Variants in NWD1 observed in about 807,000 individuals in gnomAD.
The protein encoded by NWD1 is NACHT and WD repeat domain containing 1.
Under a neutral mutation model 135.1 loss-of-function variants are expected in NWD1, and 129 were observed. The observed-to-expected ratio is 0.96, with a 90% confidence interval of 0.83 to 1.11. NWD1 has a LOEUF of 1.11. NWD1 is among the 50% of genes least tolerant of loss of function. The probability of loss-of-function intolerance (pLI) is 0.00; values close to 1 mark genes in which losing one functional copy is unlikely to be tolerated. For missense variants in NWD1, 1,740 were observed against 1,851.3 expected (o/e 0.94, Z 1.10); for synonymous variants, 773 against 786.0 (o/e 0.98, Z 0.28).
intron 6 of NWD1, among the ~76,000 whole-genome samples, chr19:16,752,333 A>G (rs1332731256): frequency 6.6e-6 from 1 of 152,140 alleles, no homozygotes; most frequent in Admixed American, 6.6e-5. Flanking sequence ...CTTTGCCAGA[A>G]ATAGAAACAC....
chr19:16,749,046 TC>T, intron 5 of NWD1, 92 bp from the exon 6 acceptor site: 1 of 941,836 alleles, frequency 1.1e-6, no homozygotes, highest in Admixed American at 2.5e-5. Context: ...CCAATGCACA[TC>T]CCCCAACAAC....
At chr19:16,728,377 CA>C (rs1353293516) in intron 2 of NWD1, among the ~76,000 whole-genome samples, 1 of 150,632 alleles carries the variant, frequency 6.6e-6, no homozygotes, top group East Asian at 2.0e-4. Flanking sequence ...CTCTGTCTCC[CA>C]GGTTCAAGGG....
intron 12 of NWD1, among the ~76,000 whole-genome samples, chr19:16,784,796 GCA>G (rs1969982056): frequency 1.3e-5 from 2 of 151,926 alleles, no homozygotes; most frequent in South Asian, 4.2e-4. Context: ...AGGTGTGATG[GCA>G]CACACCTGTA....
chr19:16,755,363 G>A (rs922199176), intron 6 of NWD1, among the ~76,000 whole-genome samples: 6 of 151,966 alleles, frequency 3.9e-5, no homozygotes, highest in Non-Finnish European at 5.9e-5. Context: ...GACTACAGGT[G>A]CATGCCACCA....
intron 2 of NWD1, among the ~76,000 whole-genome samples, chr19:16,730,335 C>CA (rs1568333193): frequency 2.0e-5 from 3 of 150,148 alleles, no homozygotes; most frequent in South Asian, 4.2e-4. Flanking sequence ...AACAAACTAA[C>CA]AAAAAAACAA....
At chr19:16,774,920 AT>A (rs1969546557) in intron 11 of NWD1, among the ~76,000 whole-genome samples, 1 of 151,942 alleles carries the variant, frequency 6.6e-6, no homozygotes, top group African/African-American at 2.4e-5. Flanking sequence ...CGAGAAACTG[AT>A]TCCTCCATCT....
Position 16,762,130 on chromosome 19 carries a change from G to C in NWD1, c.2125G>C (p.Asp709His). Residue 709 changes from aspartate (D) to histidine (H), a missense_variant, in exon 8 of 19, where the codon GAC becomes CAC. Asp to His is a moderately conservative substitution (Grantham distance 81). Transcript: ENST00000524140. The part of the protein sequence containing the change: ...LPLVGKPLNL[D>H]RKVAPQPLWF... ...ACTTGTGGGGAAACCACTGAACTTG[G>C]ACCGAAAGGTGAGGTACCTGGGACC... 6.2e-7 allele frequency: 1 copy of C among 1,612,592 alleles called. No homozygotes were observed. The highest frequency in any genetic ancestry group is 8.5e-7 in the Non-Finnish European group (1 of 1,178,956).
In NWD1 at chr19:16,720,118, C is replaced by A. The variant is rs979416753; in HGVS notation, c.-280C>A. 14 of 152,184 alleles carry A rather than the reference C, an allele frequency of 9.2e-5. No homozygotes were observed. Among genetic ancestry groups the A allele is most frequent in the Admixed American group, 9.2e-4 (14 of 15,248 alleles). 9.4% of individuals were successfully genotyped at this position (152,184 alleles called of 1,614,324 possible). A position where few individuals can be genotyped will look rare whatever the true frequency, so the allele number is the denominator to read the frequency against. The stretch of plus-strand genomic sequence containing the variant: ...CCTGCTCAGCTGTCTTCTTCAGCAA[C>A]AAACAGAAGTCCAGAAAGAGAAACA... On this transcript the variant is annotated 5_prime_UTR_variant, in exon 1 of 19. Coordinates refer to ENST00000524140, the MANE Select transcript of NWD1 (RefSeq NM_001007525.5).
chr19:16,738,189 G>A (rs1373393120), intron 4 of NWD1: 6 of 452,938 alleles, frequency 1.3e-5, no homozygotes, highest in African/African-American at 6.0e-5. Flanking sequence ...CATCTGGCCT[G>A]TAAAGCCAAA....
At chr19:16,808,549 A>G (rs113479099) in intron 18 of NWD1, among the ~76,000 whole-genome samples, 17 of 151,970 alleles carry the variant, frequency 1.1e-4, no homozygotes, top group South Asian at 2.1e-4. Flanking sequence ...CGTTTAAAAA[A>G]AAAAGAAAAG....
intron 2 of NWD1, among the ~76,000 whole-genome samples, chr19:16,726,607 T>C (rs1017524320): frequency 2.6e-5 from 4 of 151,892 alleles, no homozygotes; most frequent in Non-Finnish European, 5.9e-5. Context: ...ACCTGGCTAA[T>C]TTTTGTATTT....
intron 18 of NWD1, 87 bp downstream of exon 18, chr19:16,808,223 G>C: frequency 7.9e-7 from 1 of 1,270,970 alleles, no homozygotes; most frequent in Non-Finnish European, 1.1e-6. Flanking sequence ...ACACACCATG[G>C]GCCATCGACC....
chr19:16,750,505 A>C, intron 6 of NWD1, 94 bp downstream of exon 6: 2 of 995,640 alleles, frequency 2.0e-6, no homozygotes, highest in Non-Finnish European at 2.8e-6. Flanking sequence ...CCCAGGCTGG[A>C]GTGCAGTGGT....
At chr19:16,786,763 T>C (rs957364877) in intron 12 of NWD1, among the ~76,000 whole-genome samples, 4 of 151,950 alleles carry the variant, frequency 2.6e-5, no homozygotes, top group Non-Finnish European at 4.4e-5. Flanking sequence ...GCCAGGCTGG[T>C]CTCGATTCGA....
At chr19:16,789,494 GTTTTCA>G (rs1191154104) in intron 13 of NWD1, among the ~76,000 whole-genome samples, 3 of 151,964 alleles carry the variant, frequency 2.0e-5, no homozygotes, top group Non-Finnish European at 2.9e-5. Flanking sequence ...TTTGACGTGT[GTTTTCA>G]TTTACATTCA....
intron 4 of NWD1, among the ~76,000 whole-genome samples, chr19:16,737,416 C>T (rs1240382833): frequency 6.6e-6 from 1 of 152,014 alleles, no homozygotes; most frequent in Non-Finnish European, 1.5e-5. Flanking sequence ...TGTGTGCCGC[C>T]ACAGTTGGCT....
At chr19:16,782,420 T>C (rs559203222) in intron 12 of NWD1, among the ~76,000 whole-genome samples, 123 of 152,072 alleles carry the variant, frequency 8.1e-4, no homozygotes, top group African/African-American at 2.8e-3. Context: ...GAGCCATGTT[T>C]GCACCACTGT....
At chr19:16,759,713 CA>C (rs1043061914) in intron 7 of NWD1, among the ~76,000 whole-genome samples, 1 of 151,598 alleles carries the variant, frequency 6.6e-6, no homozygotes, top group Non-Finnish European at 1.5e-5. Flanking sequence ...CCCATCTCTA[CA>C]AAAAAAATAA....
chr19:16,720,380 C>A (rs183156919), intron 1 of NWD1, 87 bp downstream of exon 1: 22 of 152,276 alleles, frequency 1.4e-4, no homozygotes, highest in Middle Eastern at 3.4e-3. Context: ...TCAGAGACAG[C>A]CTCTCAGGAG....
Sources: gnomAD v4.1 joint callset for allele counts (sites outside exome capture counted in the v4.1 genomes callset) on GRCh38, gnomAD v4.1.1 for gene constraint, MANE v1.5 for transcripts, NCBI Gene and HGNC (gene_info 2026-07-23, HGNC 2026-07-21) for gene names.